The following PHACTR2 variants were observed in gnomAD, a reference collection of about 807,000 sequenced individuals.
PHACTR2 encodes the protein phosphatase and actin regulator 2.
Under a neutral mutation model 76.0 loss-of-function variants are expected in PHACTR2, and 30 were observed. The ratio of observed to expected loss-of-function variants is 0.39; its 90% confidence interval spans 0.30 to 0.54. PHACTR2 has a LOEUF of 0.54. PHACTR2 is among the 20% of genes least tolerant of loss of function. The probability of loss-of-function intolerance (pLI) is 0.61; values close to 1 mark genes in which losing one functional copy is unlikely to be tolerated. For synonymous variants in PHACTR2, 292 were observed against 292.5 expected (o/e 1.00, Z 0.02); for missense variants, 696 against 781.1 (o/e 0.89, Z 1.30).
In PHACTR2 at chr6:143,539,790, G is replaced by A. The variant is rs1781155526; in HGVS notation, c.217+2583G>A. On this transcript the variant is annotated intron_variant, in intron 1 of 11. Coordinates refer to the PHACTR2 transcript ENST00000367584. This position sits in a 1 kb window ranked among gnomAD's most constrained non-coding sequence, Gnocchi z 4.3. ...ATCTGCATTTTAATAAGATCCCCAG[G>A]TTGTTCTTAGTCACCTTGCAGTTTG... Among the ~76,000 whole-genome samples, 1 of 152,126 alleles carries A rather than the reference G, an allele frequency of 6.6e-6. No individual in the cohort carries two copies. Among genetic ancestry groups the A allele is most frequent in the African/African-American group, 2.4e-5 (1 of 41,422 alleles).
In PHACTR2 at chr6:143,625,966, G is replaced by A. The variant is rs1776250849; in HGVS notation, c.13+17644G>A. Among the ~76,000 whole-genome samples the A allele has an allele frequency of 6.6e-6, 1 of 152,204 alleles. No homozygotes were observed. Among genetic ancestry groups the A allele is most frequent in the Non-Finnish European group, 1.5e-5 (1 of 68,032 alleles). On this transcript the variant is annotated intron_variant, in intron 1 of 11. Transcript: ENST00000305766. The surrounding 1 kb of genome is among the most constrained non-coding windows in gnomAD (Gnocchi z 4.3). ...CTTTCCAGTGACTGGCCATCTAAATGTGACTGGGTTACAAAATTTGGGAGA... is the reference window on the plus strand; with the variant it reads ...CTTTCCAGTGACTGGCCATCTAAATATGACTGGGTTACAAAATTTGGGAGA...
rs528314228 is a variant in PHACTR2 at position 143,643,071 on chromosome 6, TG to T, written c.13+34751del. ...CAGGTAGTTTCATTGTAAATTATTT[TG>T]GAATTAACTATACTAAAAAGATTTT... On this transcript the variant is annotated intron_variant, in intron 1 of 11. Coordinates refer to the PHACTR2 transcript ENST00000305766. Among the ~76,000 whole-genome samples the T allele has an allele frequency of 1.5e-3, 233 of 152,354 alleles. 1 individual carries two copies. Among genetic ancestry groups the T allele is most frequent in the Non-Finnish European group, 2.9e-3 (200 of 68,036 alleles).
chr6:143,623,994 A>C lies in PHACTR2; in HGVS notation c.13+15672A>C, dbSNP rs1402788461. 6.6e-6 allele frequency among the ~76,000 whole-genome samples: 1 copy of C among 152,058 alleles called. No homozygotes were observed. The highest frequency in any genetic ancestry group is 1.9e-4 in the East Asian group (1 of 5,188). ...GTAACTTGGGGTGAGTGATATGAAG[A>C]CCCTGCCTCCCCACCCACTCCCCAC... On this transcript the variant is annotated intron_variant, in intron 1 of 11. Coordinates refer to the PHACTR2 transcript ENST00000305766. This position sits in a 1 kb window ranked among gnomAD's most constrained non-coding sequence, Gnocchi z 5.9.
At chr6:143,797,076 T>C (rs1386902232) in intron 11 of PHACTR2, among the ~76,000 whole-genome samples, 1 of 152,228 alleles carries the variant, frequency 6.6e-6, no homozygotes, top group East Asian at 1.9e-4. Flanking sequence ...CATCTGTTGT[T>C]TCCTGACTTT....
intron 12 of PHACTR2, among the ~76,000 whole-genome samples, chr6:143,808,991 C>G (rs566641365): frequency 6.6e-6 from 1 of 152,296 alleles, no homozygotes; most frequent in African/African-American, 2.4e-5. Context: ...ATCATGCTGG[C>G]TGGGGCCTCC....
chr6:143,771,150 ATATATATGTATATATATATATATG>A (rs1437057519), intron 6 of PHACTR2, among the ~76,000 whole-genome samples: 26 of 51,058 alleles, frequency 5.1e-4, no homozygotes, highest in African/African-American at 2.8e-3. Context: ...ATATGTATAT[ATATATATGTATATATATATATATG>A]TATATATATA....
chr6:143,564,040 T>A (rs962937042), intron 1 of PHACTR2, among the ~76,000 whole-genome samples: 2 of 92,184 alleles, frequency 2.2e-5, no homozygotes, highest in African/African-American at 7.1e-5. Flanking sequence ...TATACTTCTG[T>A]CTATGGAATT....
Position 143,638,599 on chromosome 6 carries a change from A to ACACACC in PHACTR2, c.13+30278_13+30279insACACCC, listed in dbSNP as rs142885315. 9.0e-3 allele frequency among the ~76,000 whole-genome samples: 1,342 copies of ACACACC among 149,806 alleles called. 23 individuals carry two copies. Among genetic ancestry groups the ACACACC allele is most frequent in the African/African-American group, 0.031 (1,282 of 40,756 alleles). On this transcript the variant is annotated intron_variant, in intron 1 of 11. Coordinates refer to the PHACTR2 transcript ENST00000305766. ...CATACACACACACACACACACACACACCCAGCTATCCAAGTTTTGAGCTAA... is the reference window on the plus strand; with the variant it reads ...CATACACACACACACACACACACACACACACCCCCAGCTATCCAAGTTTTGAGCTAA...
At chr6:143,714,368 A>G (rs1291570418) in intron 2 of PHACTR2, among the ~76,000 whole-genome samples, 1 of 152,214 alleles carries the variant, frequency 6.6e-6, no homozygotes, top group South Asian at 2.1e-4. Context: ...TTTTCCTGGT[A>G]TGGGTTTCTG....
chr6:143,587,201 A>G (rs929837099), intron 1 of PHACTR2, among the ~76,000 whole-genome samples: 1 of 152,222 alleles, frequency 6.6e-6, no homozygotes, highest in South Asian at 2.1e-4. Flanking sequence ...AAACAGAACT[A>G]ACATCAGAAT....
intron 1 of PHACTR2, among the ~76,000 whole-genome samples, chr6:143,628,976 T>TATAC (rs1776312941): frequency 8.5e-6 from 1 of 117,392 alleles, no homozygotes; most frequent in African/African-American, 3.4e-5. Context: ...TATATATATA[T>TATAC]ATACTGCAAA....
In PHACTR2 at chr6:143,822,844, T is replaced by A. The variant is rs1776451993; in HGVS notation, c.1923-830T>A. Among the ~76,000 whole-genome samples the A allele has an allele frequency of 6.6e-6, 1 of 152,188 alleles. No homozygotes were observed. Among genetic ancestry groups the A allele is most frequent in the Non-Finnish European group, 1.5e-5 (1 of 68,030 alleles). On this transcript the variant is annotated intron_variant, in intron 12 of 12. Coordinates refer to ENST00000440869, the MANE Select transcript of PHACTR2 (RefSeq NM_001100164.2). The surrounding 1 kb of genome is among the most constrained non-coding windows in gnomAD (Gnocchi z 5.5). ...AATTGCAGTATTAGTGAACAGCATG[T>A]TCAAAAGCACCGGGCTACAAAAATG...
rs1307861562 is a variant in PHACTR2, at chr6:143,794,860, ATC to A, written c.1845+5952_1845+5953del. On this transcript the variant is annotated intron_variant, in intron 11 of 12. Transcript: ENST00000440869. This position sits in a 1 kb window ranked among gnomAD's most constrained non-coding sequence, Gnocchi z 4.1. ...AGCTTCCTTTCAGCCTAAAGGAGAC[ATC>A]TTTTTTCTTTCTCTTATCTTAGTGC... Among the ~76,000 whole-genome samples, 1 of 152,184 alleles carries A rather than the reference ATC, an allele frequency of 6.6e-6. No homozygotes were observed. Among genetic ancestry groups the A allele is most frequent in the Non-Finnish European group, 1.5e-5 (1 of 68,016 alleles).
chr6:143,825,434 T>C lies in PHACTR2; in HGVS notation c.*1745T>C, dbSNP rs890778180. The C allele has an allele frequency of 3.9e-5, 6 of 152,226 alleles. No individual in the cohort carries two copies. The highest frequency in any genetic ancestry group is 1.4e-4 in the African/African-American group (6 of 41,462). The allele number at this position is 152,226 out of a possible 1,614,324, so 9.4% of individuals were successfully genotyped here. A position where few individuals can be genotyped will look rare whatever the true frequency, so the allele number is the denominator to read the frequency against. Reference sequence around the variant, plus strand: ...AATTAGGAAAAGTAACCAGCATTACTGCACCTCTTGTTAGACTCTGTGCAT... The same window carrying C: ...AATTAGGAAAAGTAACCAGCATTACCGCACCTCTTGTTAGACTCTGTGCAT... On this transcript the variant is annotated 3_prime_UTR_variant, in exon 13 of 13. Transcript: ENST00000440869. The surrounding 1 kb of genome is among the most constrained non-coding windows in gnomAD (Gnocchi z 4.1).
chr6:143,823,172 C>G lies in PHACTR2; in HGVS notation c.1923-502C>G, dbSNP rs149953932. On this transcript the variant is annotated intron_variant, in intron 12 of 12. Transcript: ENST00000440869. This position sits in a 1 kb window ranked among gnomAD's most constrained non-coding sequence, Gnocchi z 5.7. ...TGCTTAGTATATACCTGTGGAACATCTGGGGGGAAGCGCCCTGTGGGCTTT... is the reference window on the plus strand; with the variant it reads ...TGCTTAGTATATACCTGTGGAACATGTGGGGGGAAGCGCCCTGTGGGCTTT... 4.0e-3 allele frequency among the ~76,000 whole-genome samples: 610 copies of G among 152,328 alleles called. 6 individuals are homozygous for G. Among genetic ancestry groups the G allele is most frequent in the African/African-American group, 0.014 (584 of 41,564 alleles).
chr6:143,625,186 A>G lies in PHACTR2; in HGVS notation c.13+16864A>G, dbSNP rs964592166. ...CAAAAAAAAAAAGTATAGTCAAGGA[A>G]TATGGTGTTATGAATATTTGCTGAG... On this transcript the variant is annotated intron_variant, in intron 1 of 11. Transcript: ENST00000305766. The surrounding 1 kb of genome is among the most constrained non-coding windows in gnomAD (Gnocchi z 4.3). Among the ~76,000 whole-genome samples, 2 of 152,034 alleles carry G rather than the reference A, an allele frequency of 1.3e-5. No homozygotes were observed. Among genetic ancestry groups the G allele is most frequent in the Non-Finnish European group, 2.9e-5 (2 of 68,006 alleles).
At position 143,753,618 on chromosome 6, in the gene PHACTR2, C is replaced by A; in HGVS notation, c.296-136C>A. 1.7e-6 allele frequency: 1 copy of A among 572,988 alleles called. No homozygotes were observed. Among genetic ancestry groups the A allele is most frequent in the South Asian group, 2.7e-5 (1 of 37,146 alleles). The allele number at this position is 572,988 out of a possible 1,614,324, so 35.5% of individuals were successfully genotyped here. A position where few individuals can be genotyped will look rare whatever the true frequency, so the allele number is the denominator to read the frequency against. ...TCTAGCTCTTTTGTTTTGAATAAAC[C>A]GGTGAAACAGTGCAGGGTGTATTTG... On this transcript the variant is annotated intron_variant, in intron 3 of 12. Coordinates refer to ENST00000440869, the MANE Select transcript of PHACTR2 (RefSeq NM_001100164.2). The surrounding 1 kb of genome is among the most constrained non-coding windows in gnomAD (Gnocchi z 4.6).
rs537713928 is a variant in PHACTR2, at chr6:143,539,815, G to T, written c.217+2608G>T. Reference sequence around the variant, plus strand: ...GTTGTTCTTAGTCACCTTGCAGTTTGAAAAGTGCTGCTCTCCCACACTGGT... The same window carrying T: ...GTTGTTCTTAGTCACCTTGCAGTTTTAAAAGTGCTGCTCTCCCACACTGGT... On this transcript the variant is annotated intron_variant, in intron 1 of 11. Coordinates refer to the PHACTR2 transcript ENST00000367584. This position sits in a 1 kb window ranked among gnomAD's most constrained non-coding sequence, Gnocchi z 4.3. Among the ~76,000 whole-genome samples the T allele has an allele frequency of 3.3e-5, 5 of 152,170 alleles. No homozygotes were observed. Among genetic ancestry groups the T allele is most frequent in the Non-Finnish European group, 7.4e-5 (5 of 68,008 alleles).
In PHACTR2 at chr6:143,599,479, G is replaced by A. The variant is rs1313174546; in HGVS notation, c.217+62272G>A. Among the ~76,000 whole-genome samples, 1 of 152,110 alleles carries A rather than the reference G, an allele frequency of 6.6e-6. No homozygotes were observed. Among genetic ancestry groups the A allele is most frequent in the Non-Finnish European group, 1.5e-5 (1 of 68,008 alleles). On this transcript the variant is annotated intron_variant, in intron 1 of 11. Coordinates refer to the PHACTR2 transcript ENST00000367584. The surrounding 1 kb of genome is among the most constrained non-coding windows in gnomAD (Gnocchi z 4.6). ...TACTCAGTAGTGTTCTGGGAGCTACGAGGAAGACCTTGACAAGATTTCTAC... is the reference window on the plus strand; with the variant it reads ...TACTCAGTAGTGTTCTGGGAGCTACAAGGAAGACCTTGACAAGATTTCTAC...
Sources: allele counts gnomAD v4.1 joint callset (sites outside exome capture counted in the v4.1 genomes callset), GRCh38; gene constraint gnomAD v4.1.1; non-coding constraint Gnocchi (gnomAD v3.1); transcripts MANE v1.5; gene names NCBI Gene and HGNC (gene_info 2026-07-23, HGNC 2026-07-21).